Variants in DNAH6 observed in about 807,000 individuals in gnomAD.
DNAH6 encodes the protein dynein axonemal heavy chain 6, also known as axonemal beta dynein heavy chain 6.
In DNAH6, 340 loss-of-function variants were observed where a neutral mutation model predicts 491.4. That is an observed-to-expected ratio of 0.69 (90% CI 0.63 to 0.76). DNAH6 has a LOEUF of 0.76. DNAH6 is among the 30% of genes least tolerant of loss of function. DNAH6 has a pLI of 0.00. For missense variants in DNAH6, 4,443 were observed against 4,972.2 expected, an observed-to-expected ratio of 0.89 and a Z score of 3.20; for synonymous variants, 1,603 against 1,686.1, an observed-to-expected ratio of 0.95 and a Z score of 1.21.
intron 45 of DNAH6, among the ~76,000 whole-genome samples, chr2:84,690,230 A>T (rs575082081): frequency 6.6e-6 from 1 of 152,004 alleles, no homozygotes; most frequent in African/African-American, 2.4e-5. Context: ...AATCCCTAGA[A>T]TTTTTTTTCA....
chr2:84,552,048 CAAAAAAA>C (rs34353031), intron 9 of DNAH6, among the ~76,000 whole-genome samples: 8 of 70,788 alleles, frequency 1.1e-4, no homozygotes, highest in Non-Finnish European at 2.5e-4. Context: ...AACTCCGTCT[CAAAAAAA>C]AAAAAAAAAA....
At chr2:84,591,850 G>A (rs1684146719) in intron 16 of DNAH6, among the ~76,000 whole-genome samples, 2 of 152,004 alleles carry the variant, frequency 1.3e-5, no homozygotes, top group African/African-American at 2.4e-5. Context: ...TACACAACAG[G>A]GAGAGGATAG....
chr2:84,758,868 C>T (rs996075493), intron 63 of DNAH6, among the ~76,000 whole-genome samples: 30 of 152,048 alleles, frequency 2.0e-4, no homozygotes, highest in Admixed American at 1.9e-3. Context: ...AACATTTCCT[C>T]AAAAATCTGG....
rs182330999 is a variant in DNAH6 at position 84,740,472 on chromosome 2, G to A, written c.10343-4608G>A. 2.8e-3 allele frequency among the ~76,000 whole-genome samples: 425 copies of A among 152,286 alleles called. 3 individuals are homozygous for A. The highest frequency in any genetic ancestry group is 9.9e-3 in the African/African-American group (413 of 41,558). On this transcript the variant is annotated intron_variant, in intron 62 of 76. Coordinates refer to ENST00000389394, the MANE Select transcript of DNAH6 (RefSeq NM_001370.2). The stretch of plus-strand genomic sequence containing the variant: ...ACAGGGCACTGAGAAGAAGGGTGGC[G>A]GAGCAAGTGTGACCCCCTCTCCATG...
the DNAH6 span, among the ~76,000 whole-genome samples, chr2:84,498,717 C>CT: frequency 1.1e-3 from 155 of 146,728 alleles, 2 homozygotes; most frequent in African/African-American, 2.5e-3. Flanking sequence ...TCATGTGCTA[C>CT]TTTTTTTTTT....
intron 67 of DNAH6, among the ~76,000 whole-genome samples, chr2:84,786,394 T>A (rs1260042422): frequency 7.1e-6 from 1 of 140,914 alleles, no homozygotes; most frequent in Non-Finnish European, 1.5e-5. Context: ...CACTGCACTC[T>A]AGCCTGGGTG....
intron 57 of DNAH6, among the ~76,000 whole-genome samples, chr2:84,713,552 C>G (rs1468889733): frequency 6.6e-6 from 1 of 152,262 alleles, no homozygotes; most frequent in Non-Finnish European, 1.5e-5. Context: ...CCCTCGCCAT[C>G]TCCCTCCTGG....
At chr2:84,564,948 A>G (rs1319578709) in intron 11 of DNAH6, among the ~76,000 whole-genome samples, 5 of 152,188 alleles carry the variant, frequency 3.3e-5, no homozygotes. Flanking sequence ...TGAGATGATC[A>G]TATGATTTTT....
intron 11 of DNAH6, among the ~76,000 whole-genome samples, chr2:84,562,606 T>A (rs1027043688): frequency 6.6e-6 from 1 of 152,172 alleles, no homozygotes; most frequent in African/African-American, 2.4e-5. Flanking sequence ...ATTTTACTCA[T>A]GGCTATGATT....
chr2:84,533,440 AT>A (rs1265690144), intron 4 of DNAH6, among the ~76,000 whole-genome samples: 26 of 152,258 alleles, frequency 1.7e-4, no homozygotes, highest in Admixed American at 4.6e-4. Flanking sequence ...GATATGTTCA[AT>A]ATTTTGAGTA....
chr2:84,774,096 T>C (rs540228062), intron 64 of DNAH6, among the ~76,000 whole-genome samples: 66 of 152,228 alleles, frequency 4.3e-4, no homozygotes, highest in African/African-American at 1.4e-3. Context: ...TTTTTGGTTT[T>C]GTTGCAATTG....
At chr2:84,807,773 A>C (rs1422277462) in intron 71 of DNAH6, among the ~76,000 whole-genome samples, 1 of 151,964 alleles carries the variant, frequency 6.6e-6, no homozygotes, top group African/African-American at 2.4e-5. Context: ...CCTCCTGCCA[A>C]CCCCCTCATT....
chr2:84,519,158 G>A (rs1675892964), intron 2 of DNAH6, among the ~76,000 whole-genome samples: 2 of 152,026 alleles, frequency 1.3e-5, no homozygotes, highest in African/African-American at 4.8e-5. Context: ...ACAAGTCTCA[G>A]CCAACAGCCT....
At chr2:84,633,723 G>A (rs1286598423) in intron 29 of DNAH6, among the ~76,000 whole-genome samples, 3 of 149,344 alleles carry the variant, frequency 2.0e-5, no homozygotes, top group Non-Finnish European at 4.4e-5. Context: ...CCTTCTTCCT[G>A]CTGGCTTCCC....
chr2:84,685,546 AAC>A, intron 43 of DNAH6, 74 bp downstream of exon 43: 1 of 924,762 alleles, frequency 1.1e-6, no homozygotes, highest in South Asian at 3.6e-5. Flanking sequence ...AAGAACAATT[AAC>A]ACAAAAAGAA....
In DNAH6 at chr2:84,677,203, A is replaced by G. The variant is rs1367294879; in HGVS notation, c.6744+67A>G. 7 of 1,538,640 alleles carry G rather than the reference A, an allele frequency of 4.5e-6. No homozygotes were observed. In the South Asian group the frequency reaches 6.0e-5, roughly 13 times the overall value. On this transcript the variant is annotated intron_variant, in intron 41 of 76. Transcript: ENST00000389394. ...GCATATTTGTTCCAAGGCTCCCACA[A>G]TCAAAGTGGTGTCTTGTGTTTCTAA...
chr2:84,772,373 A>G (rs145708772), intron 64 of DNAH6, among the ~76,000 whole-genome samples: 59 of 152,212 alleles, frequency 3.9e-4, no homozygotes, highest in African/African-American at 1.4e-3. Flanking sequence ...CAAATGGATT[A>G]AAGTCTCCAA....
rs958967837 is a variant in DNAH6 at position 84,815,731 on chromosome 2, G to A, written c.12151-130G>A. 2.9e-5 allele frequency: 20 copies of A among 680,188 alleles called. No homozygotes were observed. In the African/African-American group the frequency reaches 3.4e-4, roughly 12 times the overall value. 42.1% of individuals were successfully genotyped at this position (680,188 alleles called of 1,614,324 possible). A position where few individuals can be genotyped will look rare whatever the true frequency, so the allele number is the denominator to read the frequency against. ...GCCTCAGGATTGACCTCTCTAAAAT[G>A]TGAATAATAACAGCAATGTATAGAG... is the stretch of plus-strand genomic sequence containing the variant. On this transcript the variant is annotated intron_variant, in intron 75 of 76. Transcript: ENST00000389394.
chr2:84,669,832 C>T (rs1178618851), intron 38 of DNAH6, among the ~76,000 whole-genome samples: 1 of 152,162 alleles, frequency 6.6e-6, no homozygotes, highest in Non-Finnish European at 1.5e-5. Flanking sequence ...GAGGAGTTTG[C>T]ATGCCCAAAA....
Sources: allele counts gnomAD v4.1 joint callset (sites outside exome capture counted in the v4.1 genomes callset), GRCh38; gene constraint gnomAD v4.1.1; transcripts MANE v1.5; gene names NCBI Gene and HGNC (gene_info 2026-07-23, HGNC 2026-07-21).